The following DLEU7 variants were observed in gnomAD, a reference collection of about 807,000 sequenced individuals.
DLEU7 encodes deleted in lymphocytic leukemia 7.
DLEU7 carries 17 observed loss-of-function variants against 16.0 expected under a neutral mutation model. The observed-to-expected ratio is 1.06, with a 90% confidence interval of 0.73 to 1.59. The LOEUF is 1.59. Among genes scored for constraint, DLEU7 ranks in the 40% most tolerant of loss-of-function variants. DLEU7 has a pLI of 0.00. For missense variants in DLEU7, 308 were observed against 314.9 expected, an observed-to-expected ratio of 0.98 and a Z score of 0.17; for synonymous variants, 113 against 139.8, an observed-to-expected ratio of 0.81 and a Z score of 1.35.
intron 1 of DLEU7, among the ~76,000 whole-genome samples, chr13:50,740,118 CA>C (rs1414732746): frequency 1.3e-5 from 2 of 151,956 alleles, no homozygotes; most frequent in Non-Finnish European, 2.9e-5. Flanking sequence ...AGCTTTATTC[CA>C]AAAAGGTGCT....
chr13:50,818,626 T>C (rs966130009), downstream of DLEU7: 1 of 152,184 alleles, frequency 6.6e-6, no homozygotes, highest in African/African-American at 2.4e-5. Flanking sequence ...TGCAACAGAT[T>C]ACGGCAAACT....
rs548140698 is a variant in DLEU7 at position 50,842,683 on chromosome 13, G to T, written c.459+505C>A. Among the ~76,000 whole-genome samples the T allele has an allele frequency of 8.6e-4, 131 of 152,292 alleles. No individual in the cohort carries two copies. In the Middle Eastern group the frequency reaches 0.014, roughly 16 times the overall value. On this transcript the variant is annotated intron_variant, in intron 1 of 1. Coordinates refer to ENST00000504404, the MANE Select transcript of DLEU7 (RefSeq NM_001306135.2). ...ACTCTGTAAGACCCCTTAGCTCTGT[G>T]GGGAATTGGATTTATGCAAAAAATA...
chr13:50,751,286 G>A (rs1170262642), intron 1 of DLEU7, among the ~76,000 whole-genome samples: 4 of 152,146 alleles, frequency 2.6e-5, no homozygotes, highest in Non-Finnish European at 5.9e-5. Context: ...AAACCCACTT[G>A]ATCGTGGTGG....
intron 1 of DLEU7, among the ~76,000 whole-genome samples, chr13:50,731,871 A>G (rs1417374136): frequency 6.6e-6 from 1 of 152,240 alleles, no homozygotes; most frequent in Non-Finnish European, 1.5e-5. Flanking sequence ...ATTTGAACAT[A>G]TAAATATTTA....
At chr13:50,812,782 A>G (rs999368225) in intron 1 of DLEU7, among the ~76,000 whole-genome samples, 1 of 152,118 alleles carries the variant, frequency 6.6e-6, no homozygotes, top group Non-Finnish European at 1.5e-5. Context: ...ATATGTATGT[A>G]TATGTATAAG....
chr13:50,739,408 G>T (rs1394806652), intron 1 of DLEU7, among the ~76,000 whole-genome samples: 1 of 152,136 alleles, frequency 6.6e-6, no homozygotes, highest in Non-Finnish European at 1.5e-5. Flanking sequence ...TGGCCTAGTA[G>T]GTGAATCCAT....
rs552235149 is a variant in DLEU7, at chr13:50,830,658, C to A, written c.460-7138G>T. Among the ~76,000 whole-genome samples the A allele has an allele frequency of 6.5e-4, 99 of 152,274 alleles. 1 individual carries two copies. The highest frequency in any genetic ancestry group is 2.3e-3 in the African/African-American group (95 of 41,554). ...GAAATTCGTGTGCTTAGGAGGCAATCCAATCAAAGAAATAGCTCTAGTTTT... is the reference window on the plus strand; with the variant it reads ...GAAATTCGTGTGCTTAGGAGGCAATACAATCAAAGAAATAGCTCTAGTTTT... On this transcript the variant is annotated intron_variant, in intron 1 of 1. Coordinates refer to ENST00000504404, the MANE Select transcript of DLEU7 (RefSeq NM_001306135.2).
chr13:50,834,425 CAT>C (rs1276566307), intron 1 of DLEU7, among the ~76,000 whole-genome samples: 5 of 100,882 alleles, frequency 5.0e-5, no homozygotes, highest in Admixed American at 9.2e-5. Context: ...GGCAAACAAA[CAT>C]ATGCAAAAAA....
intron 1 of DLEU7, among the ~76,000 whole-genome samples, chr13:50,760,658 G>A (rs949169092): frequency 7.2e-5 from 11 of 152,170 alleles, no homozygotes; most frequent in Admixed American, 2.0e-4. Context: ...CACTGTGCCT[G>A]GCCCAATTTT....
Position 50,776,736 on chromosome 13 carries a change from A to G in DLEU7, c.460-63496T>C, listed in dbSNP as rs948842055. ...TAAAGAGTTTGGCTAAACATTTAAA[A>G]TGTTGATTTTCATATCTCATCTATA... On this transcript the variant is annotated intron_variant, in intron 1 of 1. Coordinates refer to the DLEU7 transcript ENST00000400393. Among the ~76,000 whole-genome samples the G allele has an allele frequency of 2.6e-5, 4 of 152,314 alleles. No homozygotes were observed. The South Asian group carries it at 8.3e-4, about 32-fold the overall frequency.
intron 1 of DLEU7, among the ~76,000 whole-genome samples, chr13:50,747,371 T>TGTGAGTGA (rs547782037): frequency 1.5e-5 from 1 of 66,028 alleles, no homozygotes; most frequent in Non-Finnish European, 2.8e-5. Context: ...TGTGTGTGTG[T>TGTGAGTGA]GACAGAGAGG....
chr13:50,759,550 G>A (rs1315254596), intron 1 of DLEU7, among the ~76,000 whole-genome samples: 1 of 152,084 alleles, frequency 6.6e-6, no homozygotes, highest in Non-Finnish European at 1.5e-5. Flanking sequence ...ACATGTAAGG[G>A]CTTATTCTTA....
At chr13:50,822,840 A>G (rs1876954918), downstream of DLEU7, 8 of 987,022 alleles carry the variant, frequency 8.1e-6, no homozygotes, top group South Asian at 2.8e-4. Flanking sequence ...TCGTTCTTAT[A>G]AAAGGAAGTG....
intron 1 of DLEU7, among the ~76,000 whole-genome samples, chr13:50,729,232 C>A (rs1873849352): frequency 6.6e-6 from 1 of 152,144 alleles, no homozygotes; most frequent in South Asian, 2.1e-4. Context: ...TCCTTTATGT[C>A]TATGTGTACT....
chr13:50,773,088 A>G (rs1401916406), intron 1 of DLEU7, among the ~76,000 whole-genome samples: 1 of 152,160 alleles, frequency 6.6e-6, no homozygotes, highest in East Asian at 1.9e-4. Context: ...TGCGTCACGT[A>G]GTTCTCGTGC....
intron 1 of DLEU7, among the ~76,000 whole-genome samples, chr13:50,736,489 C>T (rs545959985): frequency 7.2e-5 from 11 of 152,046 alleles, no homozygotes; most frequent in African/African-American, 1.7e-4. Context: ...TGCACATATA[C>T]GCAGAACCTA....
At chr13:50,792,623 TA>T (rs551176355) in intron 1 of DLEU7, among the ~76,000 whole-genome samples, 1,742 of 152,022 alleles carry the variant, frequency 0.011, 42 homozygotes, top group African/African-American at 0.039. Flanking sequence ...GAACTGAACT[TA>T]ATCAATCAAA....
intron 1 of DLEU7, among the ~76,000 whole-genome samples, chr13:50,764,151 C>T (rs1187856922): frequency 1.3e-5 from 2 of 152,202 alleles, no homozygotes; most frequent in Non-Finnish European, 2.9e-5. Context: ...CAAGTCCACT[C>T]ACCCCTCTGA....
intron 1 of DLEU7, among the ~76,000 whole-genome samples, chr13:50,735,956 G>A (rs2497093): frequency 0.05 from 7,597 of 152,060 alleles, 593 homozygotes; most frequent in African/African-American, 0.17. Flanking sequence ...GCTATTCCTC[G>A]AATAGCTAAA....
Sources: gnomAD v4.1 joint callset for allele counts (sites outside exome capture counted in the v4.1 genomes callset) on GRCh38, gnomAD v4.1.1 for gene constraint, MANE v1.5 for transcripts, NCBI Gene and HGNC (gene_info 2026-07-23, HGNC 2026-07-21) for gene names.